Variants in EVC2 observed in about 807,000 individuals in gnomAD.
EVC2 encodes the protein EvC ciliary complex subunit 2.
A neutral mutation model predicts 149.3 loss-of-function variants in EVC2; 148 were observed. The ratio of observed to expected loss-of-function variants is 0.99; its 90% CI spans 0.87 to 1.14. The LOEUF is 1.14. EVC2 is among the 50% of genes most tolerant of loss of function. The pLI is 0.00. For synonymous variants in EVC2, 776 were observed against 649.9 expected (o/e 1.19, Z -2.95); for missense variants, 1,854 against 1,627.3 (o/e 1.14, Z -2.40).
chr4:5,589,703 A>C (rs1712615232), intron 16 of EVC2, among the ~76,000 whole-genome samples: 1 of 152,106 alleles, frequency 6.6e-6, no homozygotes, highest in Admixed American at 6.5e-5. Flanking sequence ...TCTGCTGTCC[A>C]GTGTCCTGAA....
chr4:5,601,083 A>G (rs1234277275), intron 16 of EVC2, among the ~76,000 whole-genome samples: 1 of 152,186 alleles, frequency 6.6e-6, no homozygotes, highest in African/African-American at 2.4e-5. Flanking sequence ...AGCCTTGATG[A>G]AAGATCTAAA....
rs1337428414 is a variant in EVC2, at chr4:5,677,413, C to A, written c.870+3847G>T. 6.6e-6 allele frequency among the ~76,000 whole-genome samples: 1 copy of A among 152,298 alleles called. No homozygotes were observed. The highest frequency in any genetic ancestry group is 1.5e-5 in the Non-Finnish European group (1 of 68,026). ...CAACAGGGAGCTCCCTGAATGTGGT[C>A]CACAGCCTGGGGGCGCCTGTCCTGG... On this transcript the variant is annotated intron_variant, in intron 7 of 21. Transcript: ENST00000344408. This position sits in a 1 kb window ranked among gnomAD's most constrained non-coding sequence, Gnocchi z 4.3.
At position 5,622,901 on chromosome 4, in the gene EVC2, G is replaced by A. The variant is rs143662104; in HGVS notation, c.2137C>T (p.Leu713=). The stretch of plus-strand genomic sequence containing the variant: ...AGGGTGGCACCGTGCTCCTCCATCA[G>A]GCTCCTCTTCTGGTGCAGGTACTGG... ...AGQYLHQKRS[L]MEEHGATLEE... Residue 713 remains leucine (L), a synonymous_variant, in exon 14 of 22, where the codon CTG becomes TTG. Transcript: ENST00000344408. The surrounding 1 kb of genome is among the most constrained non-coding windows in gnomAD (Gnocchi z 5.8). 6.2e-7 allele frequency: 1 copy of A among 1,614,200 alleles called. No individual in the cohort carries two copies. Among genetic ancestry groups the A allele is most frequent in the Non-Finnish European group, 8.5e-7 (1 of 1,180,052 alleles).
chr4:5,691,371 T>C, intron 3 of EVC2, 38 bp from the exon 4 acceptor site: 1 of 1,510,218 alleles, frequency 6.6e-7, no homozygotes, highest in South Asian at 1.1e-5. Flanking sequence ...AAATGAGAAA[T>C]ATTTCATGCT....
chr4:5,703,486 T>C (rs1276284493), intron 1 of EVC2, among the ~76,000 whole-genome samples: 1 of 152,152 alleles, frequency 6.6e-6, no homozygotes, highest in Non-Finnish European at 1.5e-5. Context: ...ACACATGAAA[T>C]GCTCAAGTGT....
intron 16 of EVC2, among the ~76,000 whole-genome samples, chr4:5,598,382 T>A (rs1356402380): frequency 1.3e-5 from 2 of 150,362 alleles, no homozygotes; most frequent in African/African-American, 4.9e-5. Context: ...TATAGATCAA[T>A]GGAACAGAAC....
chr4:5,663,074 G>C, intron 9 of EVC2, 33 bp downstream of exon 9: 4 of 1,607,378 alleles, frequency 2.5e-6, no homozygotes, highest in Non-Finnish European at 3.4e-6. Flanking sequence ...TTCATCACAT[G>C]TGTGTAAGTA....
At chr4:5,630,486 T>A (rs1051049728) in intron 11 of EVC2, among the ~76,000 whole-genome samples, 1 of 152,224 alleles carries the variant, frequency 6.6e-6, no homozygotes, top group Non-Finnish European at 1.5e-5. Flanking sequence ...CTCATTCTGC[T>A]ATGGGTGGAA....
chr4:5,539,097 A>G (rs1721468252), downstream of EVC2, among the ~76,000 whole-genome samples: 1 of 152,186 alleles, frequency 6.6e-6, no homozygotes, highest in Non-Finnish European at 1.5e-5. Context: ...GTAAGCCTAG[A>G]AAGCTTGAAA....
chr4:5,697,700 G>A (rs147966401), intron 1 of EVC2, 53 bp from the exon 2 acceptor site: 3 of 1,478,514 alleles, frequency 2.0e-6, no homozygotes, highest in South Asian at 1.1e-5. Flanking sequence ...TCTGAGAAGT[G>A]ATAATAAATA....
chr4:5,627,248 A>G (rs902972333), intron 12 of EVC2, among the ~76,000 whole-genome samples: 1 of 152,280 alleles, frequency 6.6e-6, no homozygotes, highest in African/African-American at 2.4e-5. Context: ...TAGTAGATAC[A>G]TGTTTTAGAA....
intron 7 of EVC2, among the ~76,000 whole-genome samples, chr4:5,674,143 A>G (rs565616406): frequency 6.6e-6 from 1 of 152,300 alleles, no homozygotes; most frequent in South Asian, 2.1e-4. Flanking sequence ...CCCTTGTCAC[A>G]CAGTCCCTGA....
intron 16 of EVC2, among the ~76,000 whole-genome samples, chr4:5,585,867 T>C (rs973607220): frequency 1.3e-5 from 2 of 152,018 alleles, no homozygotes; most frequent in African/African-American, 4.8e-5. Context: ...TGTATTTTAT[T>C]TTATTTTATT....
In EVC2 at chr4:5,637,144, T is replaced by G. The variant is rs972736144; in HGVS notation, c.1470+3370A>C. 4.0e-5 allele frequency among the ~76,000 whole-genome samples: 6 copies of G among 151,760 alleles called. No homozygotes were observed. Among genetic ancestry groups the G allele is most frequent in the African/African-American group, 1.5e-4 (6 of 41,288 alleles). ...AGAGGGACTGCGTGACAGATGGGAGTAGGGCACCGACCCAGCATCCTATCC... is the reference window on the plus strand; with the variant it reads ...AGAGGGACTGCGTGACAGATGGGAGGAGGGCACCGACCCAGCATCCTATCC... On this transcript the variant is annotated intron_variant, in intron 10 of 21. Coordinates refer to ENST00000344408, the MANE Select transcript of EVC2 (RefSeq NM_147127.5). The surrounding 1 kb of genome is among the most constrained non-coding windows in gnomAD (Gnocchi z 4.4).
At chr4:5,700,734 T>C (rs1378318829) in intron 1 of EVC2, among the ~76,000 whole-genome samples, 1 of 152,154 alleles carries the variant, frequency 6.6e-6, no homozygotes, top group Admixed American at 6.5e-5. Flanking sequence ...ATAGGCACCA[T>C]GCCAGGTGCA....
At position 5,565,281 on chromosome 4, in the gene EVC2, C is replaced by T; in HGVS notation, c.3636G>A (p.Leu1212=). Residue 1212 remains leucine, a synonymous_variant, in exon 21 of 22, where the codon CTG becomes CTA. Transcript: ENST00000344408. ...DLISRGLEKM[L]WARKRKQSIL... Reference sequence around the variant, plus strand: ...ACCTCTGCTTTCTCTTGCGGGCCCACAGCATCTTTTCTAATCCTCTGCTTA... The same window carrying T: ...ACCTCTGCTTTCTCTTGCGGGCCCATAGCATCTTTTCTAATCCTCTGCTTA... 1 of 1,614,080 alleles carries T rather than the reference C, an allele frequency of 6.2e-7. No homozygotes were observed. The highest frequency in any genetic ancestry group is 8.5e-7 in the Non-Finnish European group (1 of 1,180,012).
intron 6 of EVC2, among the ~76,000 whole-genome samples, chr4:5,682,791 G>A (rs866108409): frequency 2.6e-5 from 4 of 151,552 alleles, no homozygotes; most frequent in Admixed American, 1.3e-4. Context: ...CCTGGGAGGC[G>A]GAGGTTGCAG....
At position 5,562,845 on chromosome 4, in the gene EVC2, G is replaced by C; in HGVS notation, c.*3C>G. On this transcript the variant is annotated 3_prime_UTR_variant, in exon 22 of 22. Transcript: ENST00000344408. This position sits in a 1 kb window ranked among gnomAD's most constrained non-coding sequence, Gnocchi z 4.3. ...AGATGCTCCCGCAGGTCTTTCCCTT[G>C]GGCTAGTCCATGCCCAAGGCCCTCA... 1 of 1,613,750 alleles carries C rather than the reference G, an allele frequency of 6.2e-7. No individual in the cohort carries two copies. Among genetic ancestry groups the C allele is most frequent in the South Asian group, 1.1e-5 (1 of 91,058 alleles).
intron 10 of EVC2, among the ~76,000 whole-genome samples, chr4:5,639,231 T>C (rs1717130839): frequency 6.6e-6 from 1 of 152,202 alleles, no homozygotes; most frequent in African/African-American, 2.4e-5. Context: ...GTTCAGAAGC[T>C]TGTTCTTAAG....
Sources: allele counts gnomAD v4.1 joint callset (sites outside exome capture counted in the v4.1 genomes callset), GRCh38; gene constraint gnomAD v4.1.1; non-coding constraint Gnocchi (gnomAD v3.1); transcripts MANE v1.5; gene names NCBI Gene and HGNC (gene_info 2026-07-23, HGNC 2026-07-21).